The following DIAPH1 variants were observed in gnomAD, a reference collection of about 807,000 sequenced individuals.
The protein encoded by DIAPH1 is diaphanous related formin 1, also known as protein diaphanous homolog 1.
In DIAPH1, 46 loss-of-function variants were observed where a neutral mutation model predicts 140.7. The ratio of observed to expected loss-of-function variants is 0.33; its 90% CI spans 0.26 to 0.42. DIAPH1 has a LOEUF of 0.42. Among genes scored for constraint, DIAPH1 ranks in the 10% least tolerant of loss-of-function variants. The pLI is 1.00. For synonymous variants in DIAPH1, 565 were observed against 551.6 expected (o/e 1.02, Z -0.34); for missense variants, 1,310 against 1,558.7 (o/e 0.84, Z 2.69).
chr5:141,540,768 C>T (rs921834184), intron 18 of DIAPH1, among the ~76,000 whole-genome samples: 9 of 151,726 alleles, frequency 5.9e-5, no homozygotes, highest in South Asian at 2.1e-4. Context: ...TATCAAAAGA[C>T]GCCATTTCAG....
intron 14 of DIAPH1, among the ~76,000 whole-genome samples, chr5:141,575,659 CAAATAAAAATAA>C (rs1235427488): frequency 8.0e-5 from 12 of 150,444 alleles, no homozygotes; most frequent in Middle Eastern, 3.6e-3. Context: ...AAAAAAAAAA[CAAATAAAAATAA>C]AAATGAAAAT....
intron 7 of DIAPH1, 148 bp from the exon 8 acceptor site, chr5:141,581,031 T>A: frequency 1.1e-6 from 1 of 878,254 alleles, no homozygotes; most frequent in Non-Finnish European, 1.9e-6. Flanking sequence ...TGTAACCTCA[T>A]CTGGAAATAT....
intron 1 of DIAPH1, among the ~76,000 whole-genome samples, chr5:141,597,846 TTCCC>T: frequency 6.6e-6 from 1 of 152,238 alleles, no homozygotes; most frequent in African/African-American, 2.4e-5. Flanking sequence ...AGGATACTCA[TTCCC>T]ACACCACAGA....
At chr5:141,564,621 G>T (rs935206604) in intron 18 of DIAPH1, 2 of 152,228 alleles carry the variant, frequency 1.3e-5, no homozygotes, top group Non-Finnish European at 2.9e-5. Context: ...TAAGCAAGCA[G>T]CAGCTCCTGA....
At chr5:141,581,542 A>C (rs1270511843) in intron 7 of DIAPH1, among the ~76,000 whole-genome samples, 1 of 152,222 alleles carries the variant, frequency 6.6e-6, no homozygotes, top group East Asian at 1.9e-4. Context: ...TCTCCCCGCA[A>C]TCCAATGGAA....
intron 1 of DIAPH1, among the ~76,000 whole-genome samples, chr5:141,616,424 T>C (rs529913747): frequency 1.3e-5 from 2 of 152,304 alleles, no homozygotes; most frequent in Admixed American, 6.5e-5. Context: ...AGAGGACACA[T>C]ACTCTAGAAA....
chr5:141,570,307 A>G (rs924358874), intron 18 of DIAPH1, among the ~76,000 whole-genome samples: 2 of 152,224 alleles, frequency 1.3e-5, no homozygotes, highest in Admixed American at 1.3e-4. Flanking sequence ...TGACTTTGTC[A>G]ACTAGTCTTT....
rs944932416 is a variant in DIAPH1 at position 141,578,703 on chromosome 5, T to C, written c.934-78A>G. Reference sequence around the variant, plus strand: ...AATCCATTTTCTTTACATGCATTCTTAGGTCCCCAATACAACCTGAAAGAT... The same window carrying C: ...AATCCATTTTCTTTACATGCATTCTCAGGTCCCCAATACAACCTGAAAGAT... On this transcript the variant is annotated intron_variant, in intron 9 of 27. Coordinates refer to ENST00000389054, the MANE Select transcript of DIAPH1 (RefSeq NM_005219.5). 2.8e-6 allele frequency: 3 copies of C among 1,090,028 alleles called. No individual in the cohort carries two copies. In the African/African-American group the frequency reaches 4.6e-5, roughly 17 times the overall value. 67.5% of individuals were successfully genotyped at this position (1,090,028 alleles called of 1,614,324 possible).
At chr5:141,546,254 T>C (rs900620466) in intron 18 of DIAPH1, among the ~76,000 whole-genome samples, 4 of 151,948 alleles carry the variant, frequency 2.6e-5, no homozygotes, top group African/African-American at 4.8e-5. Flanking sequence ...TGGTGGCGCA[T>C]GCCTGTAATC....
chr5:141,529,851 A>G (rs986597967), intron 19 of DIAPH1, among the ~76,000 whole-genome samples, 154 bp from the exon 20 acceptor site: 1 of 152,192 alleles, frequency 6.6e-6, no homozygotes, highest in Non-Finnish European at 1.5e-5. Flanking sequence ...CGGGAGGCCA[A>G]GGTGGGCGGA....
chr5:141,558,530 T>C (rs2099893002), intron 18 of DIAPH1: 1 of 152,140 alleles, frequency 6.6e-6, no homozygotes, highest in Non-Finnish European at 1.5e-5. Context: ...TCAAAAACTG[T>C]TGAGAACACG....
rs2099897037 is a variant in DIAPH1, at chr5:141,583,237, G to A, written c.589C>T (p.Arg197Ter). 2 of 1,614,046 alleles carry A rather than the reference G, an allele frequency of 1.2e-6. No individual in the cohort carries two copies. The highest frequency in any genetic ancestry group is 1.3e-5 in the African/African-American group (1 of 74,918). The change falls in exon 6 of 28, where the codon CGA (arginine) becomes TGA (stop). Residue 197 changes from arginine (R) to a stop codon, truncating the protein, a stop_gained. Transcript: ENST00000389054. LOFTEE classifies it high-confidence loss of function. Reference protein sequence around the residue: ...GLASLLDILKRLHDEKEETAG... With the variant: ...GLASLLDILK Reference sequence around the variant, plus strand: ...GTCTCTTCTTTCTCATCATGAAGTCGTTTAAGAATGTCCAATAAGGAGGCC... The same window carrying A: ...GTCTCTTCTTTCTCATCATGAAGTCATTTAAGAATGTCCAATAAGGAGGCC...
chr5:141,526,431 T>C lies in DIAPH1; in HGVS notation c.3304A>G (p.Asn1102Asp). Residue 1102 changes from asparagine (N) to aspartate (D), a missense_variant, in exon 25 of 28, where the codon AAC (asparagine) becomes GAC (aspartate). Around this residue, in one of 3 missense-constraint regions of DIAPH1, gnomAD observed 344 missense variants for 512.2 expected, o/e 0.67. Transcript: ENST00000389054. Reference sequence around the variant, plus strand: ...TTAGAATGCATCATCCGCAGCTTGTTATACTGTTCCTGTGCATCCTTCACA... The same window carrying C: ...TTAGAATGCATCATCCGCAGCTTGTCATACTGTTCCTGTGCATCCTTCACA... ...SFVKDAQEQY[N>D]KLRMMHSNME... 6.2e-7 allele frequency: 1 copy of C among 1,614,172 alleles called. No homozygotes were observed. The highest frequency in any genetic ancestry group is 8.5e-7 in the Non-Finnish European group (1 of 1,180,028).
At chr5:141,530,336 A>T (rs2099888021) in intron 19 of DIAPH1, among the ~76,000 whole-genome samples, 1 of 152,146 alleles carries the variant, frequency 6.6e-6, no homozygotes, top group Non-Finnish European at 1.5e-5. Flanking sequence ...CTATTTCATT[A>T]GGAGCCTCTA....
intron 18 of DIAPH1, among the ~76,000 whole-genome samples, chr5:141,542,429 T>C (rs2099890139): frequency 6.7e-6 from 1 of 150,282 alleles, no homozygotes; most frequent in Non-Finnish European, 1.5e-5. Flanking sequence ...TGGGACTCTG[T>C]CTTGGGAAAA....
intron 2 of DIAPH1, 124 bp from the exon 3 acceptor site, chr5:141,587,321 A>C: frequency 1.1e-6 from 1 of 948,778 alleles, no homozygotes. Context: ...AAGCAGTTCA[A>C]GACTCTTCTG....
chr5:141,552,497 C>A (rs1310094643), intron 18 of DIAPH1, among the ~76,000 whole-genome samples: 2 of 152,166 alleles, frequency 1.3e-5, no homozygotes, highest in Non-Finnish European at 2.9e-5. Flanking sequence ...GCCAAGGAAT[C>A]TGGGCAGGCA....
chr5:141,618,321 A>T (rs2099903022), intron 1 of DIAPH1: 1 of 152,974 alleles, frequency 6.5e-6, no homozygotes, highest in Non-Finnish European at 1.5e-5. Flanking sequence ...ACTGGGCGGG[A>T]GGAAAGTTAG....
rs781398463 is a variant in DIAPH1, at chr5:141,573,935, T to A, written c.1915A>T (p.Ile639Phe). 8 of 1,539,010 alleles carry A rather than the reference T, an allele frequency of 5.2e-6. No individual in the cohort carries two copies. In the South Asian group the frequency reaches 9.6e-5, roughly 18 times the overall value. The change falls in exon 16 of 28, where the codon ATC (isoleucine) becomes TTC (phenylalanine). Residue 639 changes from isoleucine to phenylalanine, a missense_variant. Transcript: ENST00000389054. ...CCAGACAAAGGAGGGGGTGGAGAGA[T>A]AGCAGTACCTCCAGGTAAAGAAGGG... is the stretch of plus-strand genomic sequence containing the variant. Reference protein sequence around the residue: ...SPPSLPGGTAISPPPPLSGDA... With the variant: ...SPPSLPGGTAFSPPPPLSGDA...
Sources: gnomAD v4.1 joint callset for allele counts (sites outside exome capture counted in the v4.1 genomes callset) on GRCh38, gnomAD v4.1.1 for gene constraint, gnomAD v4.1.1 regional missense constraint, MANE v1.5 for transcripts, NCBI Gene and HGNC (gene_info 2026-07-23, HGNC 2026-07-21) for gene names.